Variants in PLCXD1 observed in about 807,000 individuals in gnomAD.
The protein encoded by PLCXD1 is phosphatidylinositol specific phospholipase C X domain containing 1.
A neutral mutation model predicts 37.8 loss-of-function variants in PLCXD1; 45 were observed. The observed-to-expected ratio is 1.19, with a 90% CI of 0.94 to 1.53. The LOEUF (loss-of-function observed/expected upper bound fraction) is 1.53, where lower values mean the gene tolerates loss of function less well. PLCXD1 is among the 40% of genes most tolerant of loss of function. The probability of loss-of-function intolerance (pLI) is 0.00; values close to 1 mark genes in which losing one functional copy is unlikely to be tolerated. For synonymous variants in PLCXD1, 246 were observed against 206.9 expected, an observed-to-expected ratio of 1.19 and a Z score of -1.62; for missense variants, 539 against 454.7, an observed-to-expected ratio of 1.19 and a Z score of -1.69.
upstream of PLCXD1, among the ~76,000 whole-genome samples, chrX:276,827 C>T (rs781530034): frequency 2.0e-5 from 3 of 152,056 alleles, no homozygotes; most frequent in African/African-American, 7.2e-5. Flanking sequence ...ATCTGAGCAC[C>T]CCTGTCCTTC....
chrX:284,591 C>T (rs1289496785), intron 2 of PLCXD1, among the ~76,000 whole-genome samples: 1 of 312 alleles, frequency 3.2e-3, no homozygotes, highest in African/African-American at 0.012. Flanking sequence ...CATGCACACA[C>T]GCACACACGC....
Position 291,663 on chromosome X carries a change from G to A in PLCXD1, c.549+9G>A. ...TGCTGTGTCCTCGTGGGGTGAGGAGGGGAAGGATATCCGCACGTCTCTCCC... is the reference window on the plus strand; with the variant it reads ...TGCTGTGTCCTCGTGGGGTGAGGAGAGGAAGGATATCCGCACGTCTCTCCC... On this transcript the variant is annotated intron_variant, in intron 5 of 6. Transcript: ENST00000381657. 1.2e-6 allele frequency: 2 copies of A among 1,612,042 alleles called. No homozygotes were observed. Among genetic ancestry groups the A allele is most frequent in the Non-Finnish European group, 1.7e-6 (2 of 1,179,564 alleles).
chrX:282,397 CAAAACAAA>C (rs1569564357), intron 1 of PLCXD1, among the ~76,000 whole-genome samples: 1 of 103,204 alleles, frequency 9.7e-6, no homozygotes, highest in Non-Finnish European at 2.1e-5. Context: ...AAAAACAAAA[CAAAACAAA>C]AAAAAAACCG....
At chrX:294,100 G>A (rs2069722998) in intron 6 of PLCXD1, among the ~76,000 whole-genome samples, 1 of 152,142 alleles carries the variant, frequency 6.6e-6, no homozygotes, top group Non-Finnish European at 1.5e-5. Flanking sequence ...ACTTTGGGAG[G>A]CCAAGGTGGG....
Position 293,080 on chromosome X carries a change from A to G in PLCXD1, c.595A>G (p.Ile199Val). ...RQLWSRGQQV[I>V]VSYEDESSLR... ...GCTGTGGTCCCGGGGCCAACAGGTC[A>G]TCGTCTCCTATGAAGACGAGAGCTC... Residue 199 changes from isoleucine (I) to valine (V), a missense_variant, in exon 6 of 7, where the codon ATC becomes GTC. Ile to Val is a conservative substitution (Grantham distance 29). Transcript: ENST00000381657. 3 of 1,611,494 alleles carry G rather than the reference A, an allele frequency of 1.9e-6. No homozygotes were observed. Among genetic ancestry groups the G allele is most frequent in the Non-Finnish European group, 2.5e-6 (3 of 1,179,510 alleles).
At chrX:290,228 C>A (rs887421041) in intron 3 of PLCXD1, among the ~76,000 whole-genome samples, 14 of 151,964 alleles carry the variant, frequency 9.2e-5, no homozygotes, top group Non-Finnish European at 1.3e-4. Context: ...GAGATCGAGA[C>A]CGTCCTGGCT....
intron 2 of PLCXD1, among the ~76,000 whole-genome samples, chrX:287,574 TATAG>T (rs1290332649): frequency 2.2e-5 from 2 of 89,328 alleles, no homozygotes; most frequent in East Asian, 3.3e-4. Flanking sequence ...TATGTTTATA[TATAG>T]ATATAGATAC....
In PLCXD1 at chrX:291,489, C is replaced by A; in HGVS notation, c.394-10C>A. ...TCGTGCAGGACTCAGCCCAGCACCC[C>A]CCTCCCCAGGACACACTCACGGAAA... On this transcript the variant is annotated splice_polypyrimidine_tract_variant and intron_variant, in intron 4 of 6. Coordinates refer to ENST00000381657, the MANE Select transcript of PLCXD1 (RefSeq NM_018390.4). The A allele has an allele frequency of 4.3e-6, 7 of 1,612,196 alleles. No individual in the cohort carries two copies. Among genetic ancestry groups the A allele is most frequent in the Non-Finnish European group, 5.9e-6 (7 of 1,179,780 alleles).
intron 2 of PLCXD1, among the ~76,000 whole-genome samples, chrX:286,866 AG>A (rs1244576728): frequency 2.0e-5 from 3 of 151,852 alleles, no homozygotes; most frequent in Non-Finnish European, 4.4e-5. Context: ...AGGTGGGGGT[AG>A]GGGGCAGCAG....
At chrX:276,658 G>C (rs1048692393), upstream of PLCXD1, among the ~76,000 whole-genome samples, 24 of 152,170 alleles carry the variant, frequency 1.6e-4, no homozygotes, top group Non-Finnish European at 3.2e-4. Flanking sequence ...TCAGAGCCGC[G>C]GAGCCAGTGT....
At position 301,957 on chromosome X, in the gene PLCXD1, TCCTGGCTGGGTC is replaced by T. The variant is rs2070030139; in HGVS notation, c.*2625_*2636del. ...CAGTATTTCCCTGGCCCTAAATCAT[TCCTGGCTGGGTC>T]CCAGCCCAGTAGAGCCAGCCCCCCA... is the stretch of plus-strand genomic sequence containing the variant. On this transcript the variant is annotated 3_prime_UTR_variant, in exon 7 of 7. Coordinates refer to ENST00000381657, the MANE Select transcript of PLCXD1 (RefSeq NM_018390.4). 6.6e-6 allele frequency: 1 copy of T among 152,340 alleles called. No homozygotes were observed. The highest frequency in any genetic ancestry group is 1.5e-5 in the Non-Finnish European group (1 of 68,180). The allele number at this position is 152,340 out of a possible 1,614,324, so 9.4% of individuals were successfully genotyped here.
At chrX:292,555 G>A (rs1455235785) in intron 5 of PLCXD1, among the ~76,000 whole-genome samples, 5 of 152,106 alleles carry the variant, frequency 3.3e-5, no homozygotes, top group Admixed American at 1.3e-4. Context: ...TGATCCTCCC[G>A]CCGTGTCCTC....
chrX:282,620 GCT>G (rs1329395345), intron 1 of PLCXD1, among the ~76,000 whole-genome samples: 13 of 150,726 alleles, frequency 8.6e-5, no homozygotes, highest in Non-Finnish European at 1.5e-5. Context: ...CAGGAGAATT[GCT>G]TGAACCTGGG....
intron 2 of PLCXD1, among the ~76,000 whole-genome samples, chrX:285,205 T>C (rs1381032822): frequency 1.3e-5 from 2 of 151,726 alleles, no homozygotes; most frequent in African/African-American, 4.8e-5. Flanking sequence ...CACACAGGTG[T>C]ACACACATGC....
rs774734207 is a variant in PLCXD1, at chrX:293,021, C to G, written c.550-14C>G. On this transcript the variant is annotated splice_polypyrimidine_tract_variant and intron_variant, in intron 5 of 6. Coordinates refer to ENST00000381657, the MANE Select transcript of PLCXD1 (RefSeq NM_018390.4). ...CCTCTCTCCCCTGCACCCCTTAACTCTGGTCCTTTGCAGGAGGTGCCGACA... is the reference window on the plus strand; with the variant it reads ...CCTCTCTCCCCTGCACCCCTTAACTGTGGTCCTTTGCAGGAGGTGCCGACA... 184 of 1,597,136 alleles carry G rather than the reference C, an allele frequency of 1.2e-4. 5 individuals are homozygous for G. In the South Asian group the frequency reaches 1.9e-3, roughly 17 times the overall value.
upstream of PLCXD1, among the ~76,000 whole-genome samples, chrX:278,183 G>GA (rs374566968): frequency 0.53 from 61,155 of 116,096 alleles, 17,436 homozygotes; most frequent in East Asian, 0.67. Context: ...GGGGTCGGGG[G>GA]ACGTGGGGAC....
chrX:285,725 ACT>A (rs2069434193), intron 2 of PLCXD1, among the ~76,000 whole-genome samples: 1 of 152,080 alleles, frequency 6.6e-6, no homozygotes, highest in African/African-American at 2.4e-5. Context: ...ACACATGCAC[ACT>A]CACATATAGG....
In PLCXD1 at chrX:284,149, C is replaced by T. The variant is rs367885899; in HGVS notation, c.-21-18C>T. 3 of 1,609,716 alleles carry T rather than the reference C, an allele frequency of 1.9e-6. No homozygotes were observed. The highest frequency in any genetic ancestry group is 1.1e-5 in the South Asian group (1 of 90,946). On this transcript the variant is annotated intron_variant, in intron 1 of 6. Transcript: ENST00000381657. ...GAAGTCACCGTAAAAAACCTCTTTT[C>T]CTCTTCTCCTTCCTCAGGTTGCCCA...
chrX:289,231 G>A (rs1020008530), intron 3 of PLCXD1, among the ~76,000 whole-genome samples: 4 of 152,006 alleles, frequency 2.6e-5, no homozygotes, highest in African/African-American at 9.7e-5. Context: ...GGGTCTACAG[G>A]CACCTGTCAC....
Sources: gnomAD v4.1 joint callset for allele counts (sites outside exome capture counted in the v4.1 genomes callset) on GRCh38, gnomAD v4.1.1 for gene constraint, MANE v1.5 for transcripts, NCBI Gene and HGNC (gene_info 2026-07-23, HGNC 2026-07-21) for gene names.